The following ZNF541 variants were observed in gnomAD, a reference collection of about 807,000 sequenced individuals.
The protein encoded by ZNF541 is zinc finger protein 541.
In ZNF541, 23 loss-of-function variants were observed where a neutral mutation model predicts 123.5. The observed-to-expected ratio is 0.19, with a 90% CI of 0.13 to 0.26. The LOEUF (loss-of-function observed/expected upper bound fraction) is 0.26. ZNF541 is among the 10% of genes least tolerant of loss of function. ZNF541 has a pLI of 1.00. For synonymous variants in ZNF541, 751 were observed against 754.5 expected (o/e 1.00, Z 0.08); for missense variants, 1,612 against 1,789.9 (o/e 0.90, Z 1.79).
Position 47,521,766 on chromosome 19 carries a change from C to G in ZNF541, c.3711+88G>C. 3.3e-6 allele frequency: 5 copies of G among 1,524,376 alleles called. No homozygotes were observed. The South Asian group carries it at 6.2e-5, about 19-fold the overall frequency. 94.4% of individuals were successfully genotyped at this position (1,524,376 alleles called of 1,614,324 possible). ...AGGAAAACCCTTCCATCAGGAGCAC[C>G]CCCGCCCTCTGACCCCACCGTCCAA... On this transcript the variant is annotated intron_variant, in intron 15 of 16. Coordinates refer to ENST00000391901, the MANE Select transcript of ZNF541 (RefSeq NM_001277075.3). This position sits in a 1 kb window ranked among gnomAD's most constrained non-coding sequence, Gnocchi z 4.2.
At chr19:47,526,310 C>A (rs181829934) in intron 14 of ZNF541, among the ~76,000 whole-genome samples, 1 of 151,854 alleles carries the variant, frequency 6.6e-6, no homozygotes, top group Non-Finnish European at 1.5e-5. Context: ...AGCAAAACCC[C>A]GTCCCTACTA....
chr19:47,552,829 G>C (rs1479002157), intron 3 of ZNF541, among the ~76,000 whole-genome samples: 1 of 150,214 alleles, frequency 6.7e-6, no homozygotes, highest in African/African-American at 2.5e-5. Flanking sequence ...TTGGCAAGGA[G>C]GCCGGGCACG....
rs373148602 is a variant in ZNF541, at chr19:47,529,609, C to T, written c.3449G>A (p.Arg1150Gln). The T allele has an allele frequency of 1.1e-4, 168 of 1,551,480 alleles. No individual in the cohort carries two copies. Among genetic ancestry groups the T allele is most frequent in the Middle Eastern group, 5.0e-4 (3 of 6,010 alleles). Residue 1150 changes from arginine to glutamine, a missense_variant, in exon 13 of 17, where the codon CGG (arginine) becomes CAG (glutamine). Coordinates refer to ENST00000391901, the MANE Select transcript of ZNF541 (RefSeq NM_001277075.3). ...GCGATAGTCAGCGAGCAGGTGTGTC[C>T]GTGGCTTGTGGGGCCCTCGGAGCAG... ...TLLLRGPHKPRTHLLADYRYT... is the reference protein window; with the variant it reads ...TLLLRGPHKPQTHLLADYRYT...
At chr19:47,571,362 A>G (rs1431595202) in intron 2 of ZNF541, among the ~76,000 whole-genome samples, 1 of 152,198 alleles carries the variant, frequency 6.6e-6, no homozygotes, top group Non-Finnish European at 1.5e-5. Context: ...GGCCTCCCAA[A>G]GTGCTGGGAT....
At chr19:47,569,379 C>T (rs1454320861) in intron 2 of ZNF541, among the ~76,000 whole-genome samples, 1 of 152,068 alleles carries the variant, frequency 6.6e-6, no homozygotes, top group African/African-American at 2.4e-5. Flanking sequence ...GTATTATTAA[C>T]CCTATTTCAC....
intron 5 of ZNF541, among the ~76,000 whole-genome samples, chr19:47,543,651 T>C (rs1355714424): frequency 6.6e-6 from 1 of 151,882 alleles, no homozygotes; most frequent in Non-Finnish European, 1.5e-5. Flanking sequence ...ATCTTTTTTT[T>C]TTTTTTTAAG....
At chr19:47,525,433 A>G (rs1220244664) in intron 14 of ZNF541, among the ~76,000 whole-genome samples, 2 of 152,216 alleles carry the variant, frequency 1.3e-5, no homozygotes, top group Admixed American at 6.5e-5. Flanking sequence ...ATGGTAATAC[A>G]TGATCTTAAG....
At position 47,545,640 on chromosome 19, in the gene ZNF541, C is replaced by T. The variant is rs1050771382; in HGVS notation, c.889G>A (p.Ala297Thr). 6 of 1,550,116 alleles carry T rather than the reference C, an allele frequency of 3.9e-6. No homozygotes were observed. The highest frequency in any genetic ancestry group is 5.2e-6 in the Non-Finnish European group (6 of 1,146,806). Reference sequence around the variant, plus strand: ...GTGTTCCTCCCTTCGCTGTCTGAAGCCCCCGCCGGGGCTGGGCCAGGAGAA... The same window carrying T: ...GTGTTCCTCCCTTCGCTGTCTGAAGTCCCCGCCGGGGCTGGGCCAGGAGAA... ...TPSPGPAPAG[A>T]SDSEGRNTAC... is the part of the protein sequence containing the mutation. Residue 297 changes from alanine (A) to threonine (T), a missense_variant, in exon 5 of 17, where the codon GCT becomes ACT. Ala to Thr is a moderately conservative substitution (Grantham distance 58, BLOSUM62 0). This residue lies in a region of ZNF541 where 1,080 missense variants were observed against 1,013.8 expected (regional missense o/e 1.07). Coordinates refer to ENST00000391901, the MANE Select transcript of ZNF541 (RefSeq NM_001277075.3). This position sits in a 1 kb window ranked among gnomAD's most constrained non-coding sequence, Gnocchi z 7.5.
upstream of ZNF541, among the ~76,000 whole-genome samples, chr19:47,573,184 C>T (rs12984208): frequency 6.8e-3 from 1,026 of 149,988 alleles, 9 homozygotes; most frequent in Non-Finnish European, 0.011. Context: ...ACGCGCAGCC[C>T]GGCCCACCCC....
chr19:47,552,973 G>T (rs1970668118), intron 3 of ZNF541, among the ~76,000 whole-genome samples: 1 of 150,972 alleles, frequency 6.6e-6, no homozygotes, highest in Admixed American at 6.6e-5. Flanking sequence ...GCTGGGCGTG[G>T]TGGGGGACAC....
Position 47,531,681 on chromosome 19 carries a change from G to A in ZNF541, c.3366C>T (p.Leu1122=), listed in dbSNP as rs111998394. 6 of 1,548,432 alleles carry A rather than the reference G, an allele frequency of 3.9e-6. No individual in the cohort carries two copies. Among genetic ancestry groups the A allele is most frequent in the African/African-American group, 1.4e-5 (1 of 73,080 alleles). The change falls in exon 12 of 17, where the codon CTC becomes CTT. Residue 1122 remains leucine (L), a synonymous_variant. Transcript: ENST00000391901. ...GAGCCTCGTGCAGGCAGTGCAGAGC[G>A]AGCTCCAGGTTGGTGCCCCCTCCTG... ...VMPGGGTNLE[L]ALHCLHEAQG...
intron 12 of ZNF541, among the ~76,000 whole-genome samples, chr19:47,530,513 T>C (rs940906908): frequency 3.9e-5 from 6 of 151,918 alleles, no homozygotes; most frequent in African/African-American, 1.5e-4. Context: ...TCCTAAAATG[T>C]AAGCCCCCTG....
chr19:47,572,642 G>A (rs1156262386), intron 1 of ZNF541, among the ~76,000 whole-genome samples: 2 of 151,920 alleles, frequency 1.3e-5, no homozygotes, highest in Admixed American at 1.3e-4. Context: ...AGGAGGAAGG[G>A]GGATTCTGAG....
chr19:47,544,149 GCTTGGA>G lies in ZNF541; in HGVS notation c.2374_2379del (p.Ser792_Lys793del). 6.4e-7 allele frequency: 1 copy of G among 1,550,530 alleles called. No homozygotes were observed. Among genetic ancestry groups the G allele is most frequent in the Non-Finnish European group, 8.7e-7 (1 of 1,146,114 alleles). On this transcript the variant is annotated inframe_deletion, in exon 5 of 17. Transcript: ENST00000391901. The stretch of plus-strand genomic sequence containing the variant: ...ACCTGGATTCTGCTGAATATTGTCA[GCTTGGA>G]CTTGGAGGGATCTGCCGGGGGCCCG...
chr19:47,539,685 G>A lies in ZNF541; in HGVS notation c.2796+20C>T. On this transcript the variant is annotated intron_variant, in intron 8 of 16. Transcript: ENST00000391901. ...AGCTGCGGGCAGTGGCAGGAAGGAG[G>A]CAGGCCGACAAGCACCCACCATGGC... 7.2e-7 allele frequency: 1 copy of A among 1,381,800 alleles called. No homozygotes were observed. The highest frequency in any genetic ancestry group is 9.4e-7 in the Non-Finnish European group (1 of 1,068,570). The allele number at this position is 1,381,800 out of a possible 1,614,324, so 85.6% of individuals were successfully genotyped here.
At chr19:47,559,849 C>CAA (rs36037649) in intron 2 of ZNF541, among the ~76,000 whole-genome samples, 908 of 86,898 alleles carry the variant, frequency 0.01, 10 homozygotes, top group South Asian at 0.061. Context: ...GACTCTGTCT[C>CAA]AAAAAAAAAA....
chr19:47,550,388 TAAG>T (rs979792472), intron 3 of ZNF541, among the ~76,000 whole-genome samples: 63 of 126,796 alleles, frequency 5.0e-4, no homozygotes, highest in African/African-American at 1.8e-3. Context: ...AAGAGAAAGA[TAAG>T]GAGAGAAGCA....
At chr19:47,560,576 CAAA>C (rs77981071) in intron 2 of ZNF541, among the ~76,000 whole-genome samples, 2 of 53,782 alleles carry the variant, frequency 3.7e-5, no homozygotes, top group Non-Finnish European at 8.1e-5. Flanking sequence ...AACTCTGTCC[CAAA>C]AAAAAAAAAA....
At chr19:47,546,850 G>C (rs1319111625) in intron 4 of ZNF541, among the ~76,000 whole-genome samples, 4 of 152,188 alleles carry the variant, frequency 2.6e-5, no homozygotes, top group African/African-American at 9.6e-5. Context: ...CCTCCAAGTA[G>C]CTGGGACTAC....
Sources: allele counts gnomAD v4.1 joint callset (sites outside exome capture counted in the v4.1 genomes callset), GRCh38; gene constraint gnomAD v4.1.1; regional missense constraint gnomAD v4.1.1; non-coding constraint Gnocchi (gnomAD v3.1); transcripts MANE v1.5; gene names NCBI Gene and HGNC (gene_info 2026-07-23, HGNC 2026-07-21).